Variants in SDK1 observed in about 807,000 individuals in gnomAD.
SDK1 encodes protein sidekick-1.
SDK1 carries 157 observed loss-of-function variants against 245.5 expected under a neutral mutation model. That is an observed-to-expected ratio of 0.64 (90% CI 0.56 to 0.73). The LOEUF is 0.73. SDK1 is among the 30% of genes least tolerant of loss of function. The probability of loss-of-function intolerance (pLI) is 0.00; values close to 1 mark genes in which losing one functional copy is unlikely to be tolerated. For missense variants in SDK1, 3,583 were observed against 3,002.3 expected (o/e 1.19, Z -4.52); for synonymous variants, 1,647 against 1,278.5 (o/e 1.29, Z -6.15).
At chr7:3,470,604 T>G (rs985791610) in intron 1 of SDK1, among the ~76,000 whole-genome samples, 3 of 152,134 alleles carry the variant, frequency 2.0e-5, no homozygotes, top group Non-Finnish European at 4.4e-5. Flanking sequence ...AGACTTATTA[T>G]GACTTTGGCA....
intron 4 of SDK1, among the ~76,000 whole-genome samples, chr7:3,717,613 A>G (rs1040072752): frequency 5.3e-5 from 8 of 152,218 alleles, no homozygotes; most frequent in East Asian, 1.9e-4. Context: ...TGTAGCCTTT[A>G]AAAGAATGAT....
chr7:3,913,138 C>T (rs555882586), intron 5 of SDK1, among the ~76,000 whole-genome samples: 5 of 152,214 alleles, frequency 3.3e-5, no homozygotes, highest in East Asian at 1.9e-4. Flanking sequence ...CAAGGGGTAC[C>T]GGGGGCCCTG....
chr7:3,779,938 CAAAAA>C (rs34979965), intron 4 of SDK1, among the ~76,000 whole-genome samples: 39 of 46,638 alleles, frequency 8.4e-4, no homozygotes, highest in African/African-American at 2.5e-3. Context: ...GACTCCGTCT[CAAAAA>C]AAAAAAAAAA....
chr7:3,333,853 G>A (rs1439252944), intron 1 of SDK1, among the ~76,000 whole-genome samples: 5 of 152,210 alleles, frequency 3.3e-5, no homozygotes, highest in Non-Finnish European at 7.3e-5. Context: ...GGTTGTGCTA[G>A]AGTATAATTC....
intron 1 of SDK1, among the ~76,000 whole-genome samples, chr7:3,326,720 AT>A (rs1297106564): frequency 1.3e-5 from 2 of 151,804 alleles, no homozygotes; most frequent in Non-Finnish European, 2.9e-5. Flanking sequence ...AATACATGCA[AT>A]GGTAGAGTAT....
Position 4,230,064 on chromosome 7 carries a change from GAA to G in SDK1, c.5828-3190_5828-3189del, listed in dbSNP as rs1367691972. On this transcript the variant is annotated intron_variant, in intron 40 of 44. Transcript: ENST00000404826. ...AGAAGGAAGGAAGGAAGGAAGGAAG[GAA>G]GGAAGGAAGGAAGGAAGGGTGGGCA... 5.1e-3 allele frequency among the ~76,000 whole-genome samples: 736 copies of G among 143,768 alleles called. 8 individuals are homozygous for G. Among genetic ancestry groups the G allele is most frequent in the African/African-American group, 0.016 (613 of 38,470 alleles). The allele number at this position is 143,768 out of a possible 152,430, so 94.3% of individuals were successfully genotyped here. A position where few individuals can be genotyped will look rare whatever the true frequency, so the allele number is the denominator to read the frequency against.
chr7:3,377,208 T>C (rs977000048), intron 1 of SDK1, among the ~76,000 whole-genome samples: 55 of 152,192 alleles, frequency 3.6e-4, no homozygotes, highest in African/African-American at 1.3e-3. Flanking sequence ...TGATTGTGGC[T>C]GTTTCTCCCA....
chr7:4,001,376 A>G lies in SDK1; in HGVS notation c.2132-9590A>G, dbSNP rs561571319. Among the ~76,000 whole-genome samples, 4 of 152,230 alleles carry G rather than the reference A, an allele frequency of 2.6e-5. No individual in the cohort carries two copies. In the East Asian group the frequency reaches 5.8e-4, roughly 22 times the overall value. The stretch of plus-strand genomic sequence containing the variant: ...CTGGAGGGAATGGCTTCTCCAGCAC[A>G]TAGGCCCACATCTCCCGGTGAGCAT... On this transcript the variant is annotated intron_variant, in intron 14 of 44. Transcript: ENST00000404826.
At chr7:3,939,536 T>C (rs1481704239) in intron 5 of SDK1, among the ~76,000 whole-genome samples, 1 of 152,154 alleles carries the variant, frequency 6.6e-6, no homozygotes, top group African/African-American at 2.4e-5. Flanking sequence ...ATCTCAGAAT[T>C]GCCCAGGTTC....
chr7:3,484,737 C>G (rs918830056), intron 1 of SDK1, among the ~76,000 whole-genome samples: 2 of 152,110 alleles, frequency 1.3e-5, no homozygotes, highest in Admixed American at 1.3e-4. Flanking sequence ...TTTTAGCTCC[C>G]ACATAGGAGT....
chr7:3,763,508 A>G (rs537314579), intron 4 of SDK1, among the ~76,000 whole-genome samples: 25 of 152,298 alleles, frequency 1.6e-4, no homozygotes, highest in African/African-American at 6.0e-4. Flanking sequence ...TATTTGATAC[A>G]TTTCAAAGCT....
rs116742810 is a variant in SDK1 at position 3,831,373 on chromosome 7, A to G, written c.847+9790A>G. 3.7e-3 allele frequency among the ~76,000 whole-genome samples: 563 copies of G among 152,256 alleles called. 3 individuals carry two copies. Among genetic ancestry groups the G allele is most frequent in the African/African-American group, 0.013 (549 of 41,546 alleles). ...CCCAGTATGATTTTTCCTTTTACGA[A>G]TGAGTTCAGTATTCTGAAGCTGCTA... On this transcript the variant is annotated intron_variant, in intron 5 of 44. Transcript: ENST00000404826.
intron 4 of SDK1, among the ~76,000 whole-genome samples, chr7:3,720,818 G>C (rs1287080995): frequency 1.3e-5 from 2 of 152,182 alleles, no homozygotes; most frequent in Non-Finnish European, 2.9e-5. Flanking sequence ...ACCATTGTTT[G>C]TAATAGCCCA....
intron 4 of SDK1, among the ~76,000 whole-genome samples, chr7:3,714,242 G>C (rs1785134907): frequency 1.3e-5 from 2 of 152,198 alleles, no homozygotes; most frequent in African/African-American, 4.8e-5. Flanking sequence ...TAGAGGCCTT[G>C]ATCACTCCTT....
At chr7:3,348,728 G>A (rs961552271) in intron 1 of SDK1, among the ~76,000 whole-genome samples, 1 of 152,060 alleles carries the variant, frequency 6.6e-6, no homozygotes, top group African/African-American at 2.4e-5. Context: ...AAAGTGAGCT[G>A]TTATTTTTTT....
chr7:4,147,316 G>A (rs1220151049), intron 29 of SDK1, among the ~76,000 whole-genome samples: 1 of 152,164 alleles, frequency 6.6e-6, no homozygotes, highest in East Asian at 1.9e-4. Context: ...CAGTAGCGGG[G>A]ACTACAGGCA....
intron 32 of SDK1, among the ~76,000 whole-genome samples, chr7:4,169,583 C>A (rs375209965): frequency 5.3e-5 from 8 of 152,242 alleles, no homozygotes; most frequent in Non-Finnish European, 8.8e-5. Context: ...GCCTTCCTCA[C>A]TCAGTCTCTG....
intron 4 of SDK1, among the ~76,000 whole-genome samples, chr7:3,756,721 A>G (rs1026179463): frequency 6.6e-6 from 1 of 152,080 alleles, no homozygotes; most frequent in African/African-American, 2.4e-5. Context: ...ACTGTCTACA[A>G]CTTTGACCCT....
intron 4 of SDK1, among the ~76,000 whole-genome samples, chr7:3,759,316 G>T (rs1780026051): frequency 6.6e-6 from 1 of 152,102 alleles, no homozygotes; most frequent in African/African-American, 2.4e-5. Flanking sequence ...CATGTTGGTG[G>T]CTATTGAATC....
Sources: gnomAD v4.1 joint callset for allele counts (sites outside exome capture counted in the v4.1 genomes callset) on GRCh38, gnomAD v4.1.1 for gene constraint, MANE v1.5 for transcripts, NCBI Gene and HGNC (gene_info 2026-07-23, HGNC 2026-07-21) for gene names.